ATP7A: variants seen among roughly 807,000 people sequenced by gnomAD.
ATP7A encodes ATPase copper transporting alpha, also known as copper-transporting ATPase 1.
A neutral mutation model predicts 83.5 loss-of-function variants in ATP7A; 7 were observed. The ratio of observed to expected loss-of-function variants is 0.08; its 90% CI spans 0.05 to 0.16. The LOEUF (loss-of-function observed/expected upper bound fraction) is 0.16, where lower values mean the gene tolerates loss of function less well. ATP7A is among the 10% of genes least tolerant of loss of function. ATP7A has a pLI of 1.00. For synonymous variants in ATP7A, 354 were observed against 395.2 expected (o/e 0.90, Z 1.24); for missense variants, 940 against 1,120.8 (o/e 0.84, Z 2.30).
intron 1 of ATP7A, among the ~76,000 whole-genome samples, chrX:77,920,219 A>ATT (rs782164386): frequency 3.2e-5 from 3 of 94,051 alleles, no homozygotes; most frequent in African/African-American, 3.9e-5. Flanking sequence ...ATGAGTACCC[A>ATT]TTTTTTTTTT....
At chrX:78,043,586 A>G (rs1359981647) in intron 21 of ATP7A, 152 bp downstream of exon 21, 2 of 477,804 alleles carry the variant, frequency 4.2e-6, no homozygotes, top group African/African-American at 4.8e-5. Flanking sequence ...CAATCATTTT[A>G]ATTTTCAGTA....
chrX:78,046,280 T>C lies in ATP7A; in HGVS notation c.4227-14T>C, dbSNP rs1018556683. ...TTGGTTATTTGAAACTAGCATACTT[T>C]TGCATATGTCCAGTTACAGGAAACC... On this transcript the variant is annotated splice_polypyrimidine_tract_variant and intron_variant, in intron 22 of 22. Transcript: ENST00000341514. 8.3e-7 allele frequency: 1 copy of C among 1,210,267 alleles called. No individual in the cohort carries two copies. Among genetic ancestry groups the C allele is most frequent in the East Asian group, 3.0e-5 (1 of 33,836 alleles).
At chrX:77,938,922 A>T (rs782610358) in intron 1 of ATP7A, among the ~76,000 whole-genome samples, 2 of 112,420 alleles carry the variant, frequency 1.8e-5, no homozygotes, top group South Asian at 7.3e-4. Flanking sequence ...AAATTTAAAT[A>T]TAATAGTTGT....
chrX:78,021,132 T>C (rs959942680), intron 14 of ATP7A, 53 bp downstream of exon 14: 2 of 1,108,799 alleles, frequency 1.8e-6, no homozygotes, highest in Non-Finnish European at 2.5e-6. Flanking sequence ...TGTGAGTCTT[T>C]TGCATTAGTA....
At chrX:77,981,334 T>C (rs1204530626) in intron 2 of ATP7A, among the ~76,000 whole-genome samples, 1 of 111,804 alleles carries the variant, frequency 8.9e-6, no homozygotes, top group Non-Finnish European at 1.9e-5. Flanking sequence ...GAGGATTAGG[T>C]TTCTGATTTA....
chrX:78,040,206 C>T (rs1420646961), intron 18 of ATP7A, among the ~76,000 whole-genome samples: 6 of 102,857 alleles, frequency 5.8e-5, no homozygotes, highest in African/African-American at 1.0e-4. Flanking sequence ...TCTGCCCCCC[C>T]CCCCTTACCT....
intron 1 of ATP7A, among the ~76,000 whole-genome samples, chrX:77,968,340 C>T (rs1304933235): frequency 2.7e-5 from 3 of 111,937 alleles, no homozygotes; most frequent in Non-Finnish European, 3.8e-5. Context: ...TAACACATAA[C>T]GAAATTCAGG....
At position 77,988,518 on chromosome X, in the gene ATP7A, A is replaced by G; in HGVS notation, c.397A>G (p.Ile133Val). 8.3e-7 allele frequency: 1 copy of G among 1,211,662 alleles called. No homozygotes were observed. The highest frequency in any genetic ancestry group is 1.1e-6 in the Non-Finnish European group (1 of 895,347). ...RTVAVTIIPS[I>V]VNANQIKELV... is the part of the protein sequence containing the mutation. ...TGTAGCAGTGACAATAATCCCTTCT[A>G]TAGTGAATGCCAATCAGATAAAAGA... is the stretch of plus-strand genomic sequence containing the variant. The change falls in exon 3 of 23, where the codon ATA becomes GTA. Residue 133 changes from isoleucine (I) to valine (V), a missense_variant. Physicochemically the swap from Ile to Val is conservative, Grantham distance 29 (BLOSUM62 3). Around this residue, in one of 3 missense-constraint regions of ATP7A, gnomAD observed 350 missense variants for 432.8 expected, o/e 0.81. Transcript: ENST00000341514.
intron 11 of ATP7A, 110 bp downstream of exon 11, chrX:78,014,863 C>A: frequency 1.7e-6 from 1 of 574,829 alleles, no homozygotes. Context: ...ATCTGTCTCC[C>A]AGATATAAAA....
chrX:78,010,999 G>A (rs1488231078), intron 7 of ATP7A, among the ~76,000 whole-genome samples, 177 bp from the exon 8 acceptor site: 2 of 111,683 alleles, frequency 1.8e-5, no homozygotes, highest in Non-Finnish European at 3.8e-5. Context: ...TTTGTTTGAT[G>A]AAAGATTGGA....
intron 14 of ATP7A, among the ~76,000 whole-genome samples, chrX:78,026,176 G>T (rs889169217): frequency 9.0e-6 from 1 of 111,716 alleles, no homozygotes; most frequent in Admixed American, 9.6e-5. Flanking sequence ...CCATCCTTTT[G>T]CTGTCATCAA....
intron 1 of ATP7A, among the ~76,000 whole-genome samples, chrX:77,955,879 C>G (rs1405190585): frequency 9.4e-6 from 1 of 106,006 alleles, no homozygotes; most frequent in Non-Finnish European, 1.9e-5. Flanking sequence ...TCCACATGAG[C>G]AAGATCATGT....
Position 78,031,434 on chromosome X carries a change from T to C in ATP7A, c.3146T>C (p.Ile1049Thr). The change falls in exon 16 of 23, where the codon ATT (isoleucine) becomes ACT (threonine). Residue 1049 changes from isoleucine to threonine, a missense_variant. Ile to Thr is a moderately conservative substitution (Grantham distance 89). Coordinates refer to ENST00000341514, the MANE Select transcript of ATP7A (RefSeq NM_000052.7). ...GTGGTATTTGATAAGACTGGAACCA[T>C]TACTCACGGAACCCCAGTGGTGAAT... ...KVVVFDKTGTITHGTPVVNQV... is the reference protein window; with the variant it reads ...KVVVFDKTGTTTHGTPVVNQV... The C allele has an allele frequency of 1.7e-6, 2 of 1,211,050 alleles. No individual in the cohort carries two copies. Among genetic ancestry groups the C allele is most frequent in the Non-Finnish European group, 2.2e-6 (2 of 894,845 alleles).
intron 12 of ATP7A, among the ~76,000 whole-genome samples, chrX:78,016,908 G>A (rs369432946): frequency 1.8e-5 from 2 of 112,146 alleles, no homozygotes; most frequent in South Asian, 3.7e-4. Flanking sequence ...AGCTGTTGGT[G>A]GATCTCTACC....
chrX:78,033,110 T>A (rs1175950516), intron 16 of ATP7A, among the ~76,000 whole-genome samples: 6 of 112,175 alleles, frequency 5.3e-5, no homozygotes, highest in Non-Finnish European at 9.4e-5. Context: ...GATTTTTTTT[T>A]ATTATTGTTT....
At chrX:78,007,718 T>C (rs782404551) in intron 6 of ATP7A, among the ~76,000 whole-genome samples, 41 of 112,444 alleles carry the variant, frequency 3.6e-4, no homozygotes, top group African/African-American at 1.3e-3. Context: ...TTATCTGATA[T>C]ATGATTTTAA....
chrX:77,958,006 T>A (rs1471797268), intron 1 of ATP7A, among the ~76,000 whole-genome samples: 1 of 111,309 alleles, frequency 9.0e-6, no homozygotes, highest in Non-Finnish European at 1.9e-5. Context: ...GGGAAGATCC[T>A]TCATGACGGG....
At position 78,033,595 on chromosome X, in the gene ATP7A, T is replaced by C; in HGVS notation, c.3295-10T>C. 1 of 1,208,506 alleles carries C rather than the reference T, an allele frequency of 8.3e-7. No individual in the cohort carries two copies. The highest frequency in any genetic ancestry group is 1.1e-6 in the Non-Finnish European group (1 of 892,342). On this transcript the variant is annotated splice_polypyrimidine_tract_variant and intron_variant, in intron 16 of 22. Coordinates refer to ENST00000341514, the MANE Select transcript of ATP7A (RefSeq NM_000052.7). ...ACAGTAGAGGAAATCCTTTTGTTTC[T>C]GTTTGTTAGGAGCTGGACACTGAAA...
intron 20 of ATP7A, 63 bp downstream of exon 20, chrX:78,042,851 C>CATAAAGT: frequency 1.8e-6 from 2 of 1,089,204 alleles, no homozygotes; most frequent in Non-Finnish European, 2.5e-6. Context: ...ATGATAATGT[C>CATAAAGT]ATAAAGTATA....
Sources: gnomAD v4.1 joint callset for allele counts (sites outside exome capture counted in the v4.1 genomes callset) on GRCh38, gnomAD v4.1.1 for gene constraint, gnomAD v4.1.1 regional missense constraint, MANE v1.5 for transcripts, NCBI Gene and HGNC (gene_info 2026-07-23, HGNC 2026-07-21) for gene names.